Variants in PROM1 observed in about 807,000 individuals in gnomAD.
The protein encoded by PROM1 is prominin-1.
Under a neutral mutation model 116.9 loss-of-function variants are expected in PROM1, and 105 were observed. The ratio of observed to expected loss-of-function variants is 0.90; its 90% CI spans 0.77 to 1.06. The LOEUF (loss-of-function observed/expected upper bound fraction) is 1.06. Among genes scored for constraint, PROM1 ranks in the 50% least tolerant of loss-of-function variants. PROM1 has a pLI of 0.00. For synonymous variants in PROM1, 393 were observed against 387.0 expected, an observed-to-expected ratio of 1.02 and a Z score of -0.18; for missense variants, 1,122 against 1,045.2, an observed-to-expected ratio of 1.07 and a Z score of -1.01.
rs556880179 is a variant in PROM1 at position 15,978,055 on chromosome 4, C to T, written c.2582+1340G>A. Among the ~76,000 whole-genome samples the T allele has an allele frequency of 5.9e-5, 9 of 152,220 alleles. No homozygotes were observed. In the East Asian group the frequency reaches 7.7e-4, roughly 13 times the overall value. On this transcript the variant is annotated intron_variant, in intron 26 of 27. Transcript: ENST00000447510. Reference sequence around the variant, plus strand: ...CATTAACGCCCTTAGAGAATAGACCCCAAGGAGCCAGCTTGCCCTTTCCAC... The same window carrying T: ...CATTAACGCCCTTAGAGAATAGACCTCAAGGAGCCAGCTTGCCCTTTCCAC...
At chr4:16,037,290 A>G (rs538826849) in intron 3 of PROM1, among the ~76,000 whole-genome samples, 39 of 152,326 alleles carry the variant, frequency 2.6e-4, no homozygotes, top group African/African-American at 8.7e-4. Flanking sequence ...CGTGACAATC[A>G]CATTGGGAGA....
At position 15,980,509 on chromosome 4, in the gene PROM1, G is replaced by C; in HGVS notation, c.2402C>G (p.Ala801Gly). 1 of 1,550,144 alleles carries C rather than the reference G, an allele frequency of 6.5e-7. No homozygotes were observed. Among genetic ancestry groups the C allele is most frequent in the African/African-American group, 1.4e-5 (1 of 72,000 alleles). Reference protein sequence around the residue: ...LNLFWFGIGKATVFLLPALIF... With the variant: ...LNLFWFGIGKGTVFLLPALIF... ...TAGAGCCGGAAGTAAAAATACAGTA[G>C]CTTTTCCTATGCCAAACCAAAACAA... The change falls in exon 24 of 28, where the codon GCT becomes GGT. Residue 801 changes from alanine to glycine, a missense_variant. Transcript: ENST00000447510.
chr4:16,020,785 G>A (rs1476616313), intron 8 of PROM1, among the ~76,000 whole-genome samples: 1 of 152,070 alleles, frequency 6.6e-6, no homozygotes, highest in African/African-American at 2.4e-5. Flanking sequence ...CATGTCACAC[G>A]GAGGACTCAG....
intron 2 of PROM1, among the ~76,000 whole-genome samples, chr4:16,067,192 G>A (rs1741736624): frequency 6.6e-6 from 1 of 152,218 alleles, no homozygotes; most frequent in African/African-American, 2.4e-5. Flanking sequence ...ACGGAGGGAA[G>A]AGCCTACGTT....
intron 26 of PROM1, among the ~76,000 whole-genome samples, chr4:15,978,285 C>T (rs1018873065): frequency 1.3e-5 from 2 of 152,188 alleles, no homozygotes; most frequent in East Asian, 3.9e-4. Context: ...AATGGAAAAT[C>T]ATAATGAAAA....
chr4:16,000,469 TC>T (rs1318110833), intron 14 of PROM1, 26 bp downstream of exon 14: 5 of 1,539,910 alleles, frequency 3.2e-6, no homozygotes, highest in Non-Finnish European at 4.5e-6. Context: ...TCAAGTCCTT[TC>T]ATAATGGGTA....
intron 9 of PROM1, among the ~76,000 whole-genome samples, chr4:16,017,996 G>A (rs892313623): frequency 3.1e-5 from 4 of 127,880 alleles, no homozygotes; most frequent in Admixed American, 8.1e-5. Flanking sequence ...ATGGCTAATA[G>A]ACTAGGCACA....
Position 16,009,033 on chromosome 4 carries a change from A to G in PROM1, c.1217T>C (p.Leu406Pro), listed in dbSNP as rs968149170. 1 of 1,601,854 alleles carries G rather than the reference A, an allele frequency of 6.2e-7. No individual in the cohort carries two copies. Among genetic ancestry groups the G allele is most frequent in the South Asian group, 1.1e-5 (1 of 90,742 alleles). ...VTQRLPIQDI[L>P]SAFSVYVNNT... ...ATTAACATAAACAGAGAATGCTGAG[A>G]GTATATCCTGAATAGGAAGACGCTG... Residue 406 changes from leucine to proline, a missense_variant, in exon 12 of 28, where the codon CTC becomes CCC. By Grantham distance (98) the Leu-to-Pro change is moderately conservative. Transcript: ENST00000447510.
rs750175937 is a variant in PROM1, at chr4:15,985,973, G to A, written c.2195C>T (p.Ser732Phe). ...AAGGCTCACCTCAATAATAACAGAG[G>A]AAGTATTGTTTGTGATGAAGTTCTG... ...FAQNFITNNT[S>F]SVIIEETKKY... Residue 732 changes from serine (S) to phenylalanine (F), a missense_variant, in exon 21 of 28, where the codon TCC (serine) becomes TTC (phenylalanine). Ser to Phe is a radical substitution (Grantham distance 155, BLOSUM62 -2). Transcript: ENST00000447510. 8.1e-7 allele frequency: 1 copy of A among 1,241,970 alleles called. No individual in the cohort carries two copies. The highest frequency in any genetic ancestry group is 2.6e-5 in the Admixed American group (1 of 38,098). 76.9% of individuals were successfully genotyped at this position (1,241,970 alleles called of 1,614,324 possible). A position where few individuals can be genotyped will look rare whatever the true frequency, so the allele number is the denominator to read the frequency against.
At chr4:15,992,437 T>C (rs747252235) in intron 16 of PROM1, 46 bp from the exon 17 acceptor site, 8 of 1,591,940 alleles carry the variant, frequency 5.0e-6, no homozygotes, top group Middle Eastern at 1.7e-4. Context: ...TCTCCAAGAA[T>C]GTCACAAACC....
At chr4:16,003,131 C>A in intron 13 of PROM1, 1 of 363,766 alleles carries the variant, frequency 2.7e-6, no homozygotes, top group Non-Finnish European at 5.6e-6. Context: ...CTTTCAAATG[C>A]ATTATCTTAG....
At chr4:16,070,387 G>C (rs1279728644) in intron 2 of PROM1, among the ~76,000 whole-genome samples, 1 of 152,128 alleles carries the variant, frequency 6.6e-6, no homozygotes, top group African/African-American at 2.4e-5. Context: ...TTAGAGCAGA[G>C]GGGACTTTGT....
At chr4:15,981,115 C>T (rs1717798005) in intron 23 of PROM1, among the ~76,000 whole-genome samples, 1 of 151,264 alleles carries the variant, frequency 6.6e-6, no homozygotes, top group Admixed American at 6.6e-5. Flanking sequence ...GCGTCCGCCA[C>T]CACGCCTGGC....
chr4:15,986,748 G>T (rs1296685256), intron 20 of PROM1, among the ~76,000 whole-genome samples: 3 of 152,250 alleles, frequency 2.0e-5, no homozygotes, highest in African/African-American at 7.2e-5. Flanking sequence ...CAGAGGCATA[G>T]CGAGGGTCCT....
At chr4:16,024,184 A>G (rs981913698) in intron 7 of PROM1, 111 bp downstream of exon 7, 23 of 958,634 alleles carry the variant, frequency 2.4e-5, no homozygotes, top group Non-Finnish European at 3.4e-5. Flanking sequence ...CTAGGGAATC[A>G]TCTTTCTGTC....
At chr4:15,982,504 C>G (rs1371136071) in intron 23 of PROM1, among the ~76,000 whole-genome samples, 1 of 152,180 alleles carries the variant, frequency 6.6e-6, no homozygotes, top group Non-Finnish European at 1.5e-5. Context: ...TGTTAGCTAG[C>G]CCACAGTCTA....
chr4:16,046,262 C>T (rs1162099566), intron 2 of PROM1, among the ~76,000 whole-genome samples: 1 of 152,184 alleles, frequency 6.6e-6, no homozygotes, highest in Non-Finnish European at 1.5e-5. Flanking sequence ...TATGTGGCCA[C>T]CAGCACTTTC....
chr4:16,012,149 A>G (rs561119422), intron 11 of PROM1, among the ~76,000 whole-genome samples: 1 of 152,240 alleles, frequency 6.6e-6, no homozygotes, highest in Non-Finnish European at 1.5e-5. Flanking sequence ...GGGATGCACA[A>G]CCATGCCTGG....
intron 2 of PROM1, among the ~76,000 whole-genome samples, chr4:16,067,294 C>T (rs1578293349): frequency 6.6e-6 from 1 of 152,230 alleles, no homozygotes; most frequent in East Asian, 1.9e-4. Flanking sequence ...CTGAGTCTCA[C>T]TTTCCTCATC....
Sources: allele counts gnomAD v4.1 joint callset (sites outside exome capture counted in the v4.1 genomes callset), GRCh38; gene constraint gnomAD v4.1.1; transcripts MANE v1.5; gene names NCBI Gene and HGNC (gene_info 2026-07-23, HGNC 2026-07-21).